FHOD3: variants seen among roughly 807,000 people sequenced by gnomAD.
The protein encoded by FHOD3 is FH1/FH2 domain-containing protein 3.
FHOD3 carries 90 observed loss-of-function variants against 173.0 expected under a neutral mutation model. The observed-to-expected ratio is 0.52, with a 90% confidence interval of 0.44 to 0.62. The LOEUF (loss-of-function observed/expected upper bound fraction) is 0.62, where lower values mean the gene tolerates loss of function less well. Ranked by LOEUF, FHOD3 falls within the 20% of genes least tolerant of loss-of-function variation. FHOD3 has a pLI of 0.00. For missense variants in FHOD3, 1,945 were observed against 2,034.7 expected (o/e 0.96, Z 0.85); for synonymous variants, 828 against 823.0 (o/e 1.01, Z -0.10).
chr18:36,476,357 C>T (rs759249569), intron 3 of FHOD3, among the ~76,000 whole-genome samples: 21 of 152,334 alleles, frequency 1.4e-4, no homozygotes, highest in African/African-American at 3.8e-4. Flanking sequence ...TCTCTTTATT[C>T]TACCAACTTA....
chr18:36,351,375 T>TC (rs1229336758), intron 1 of FHOD3, among the ~76,000 whole-genome samples: 2 of 152,302 alleles, frequency 1.3e-5, no homozygotes, highest in African/African-American at 4.8e-5. Context: ...ACTCGGGCAG[T>TC]TCCATGGAGG....
intron 1 of FHOD3, among the ~76,000 whole-genome samples, chr18:36,304,182 A>C (rs2092030437): frequency 6.6e-6 from 1 of 152,258 alleles, no homozygotes; most frequent in African/African-American, 2.4e-5. Flanking sequence ...TTAATATTAA[A>C]ATTATTAACT....
At chr18:36,409,277 C>T (rs1439307934) in intron 3 of FHOD3, among the ~76,000 whole-genome samples, 1 of 152,174 alleles carries the variant, frequency 6.6e-6, no homozygotes, top group Admixed American at 6.5e-5. Flanking sequence ...GGCGTGATAT[C>T]CATGTAGAGA....
At chr18:36,371,376 A>G (rs1388515654) in intron 2 of FHOD3, among the ~76,000 whole-genome samples, 1 of 152,232 alleles carries the variant, frequency 6.6e-6, no homozygotes, top group Non-Finnish European at 1.5e-5. Context: ...CCTCACAATT[A>G]TGGTGGAAGG....
At chr18:36,648,077 G>C (rs1190526160) in intron 10 of FHOD3, among the ~76,000 whole-genome samples, 1 of 152,228 alleles carries the variant, frequency 6.6e-6, no homozygotes, top group African/African-American at 2.4e-5. Flanking sequence ...AGTGAGACAT[G>C]GTGGATCCGT....
At chr18:36,671,308 C>T (rs2037519879) in intron 14 of FHOD3, among the ~76,000 whole-genome samples, 1 of 152,250 alleles carries the variant, frequency 6.6e-6, no homozygotes, top group South Asian at 2.1e-4. Flanking sequence ...CAAATGTTCT[C>T]CAATCAGTAA....
At chr18:36,406,685 A>G (rs1598994733) in intron 3 of FHOD3, among the ~76,000 whole-genome samples, 1 of 152,126 alleles carries the variant, frequency 6.6e-6, no homozygotes, top group Non-Finnish European at 1.5e-5. Flanking sequence ...TTGGAAGGTT[A>G]TTGCGGAATT....
At chr18:36,411,818 C>T (rs1435785026) in intron 3 of FHOD3, among the ~76,000 whole-genome samples, 2 of 152,228 alleles carry the variant, frequency 1.3e-5, no homozygotes, top group Non-Finnish European at 2.9e-5. Flanking sequence ...TTGGCACTCT[C>T]CTGCCTCTAG....
chr18:36,545,794 G>A (rs779023565), intron 5 of FHOD3, among the ~76,000 whole-genome samples: 9 of 152,184 alleles, frequency 5.9e-5, no homozygotes, highest in Non-Finnish European at 1.3e-4. Context: ...CTGTTGAATT[G>A]TTGCTTTTTG....
chr18:36,617,697 C>T (rs2033340530), intron 9 of FHOD3, among the ~76,000 whole-genome samples: 1 of 151,540 alleles, frequency 6.6e-6, no homozygotes, highest in South Asian at 2.1e-4. Flanking sequence ...CTTCTCTAAG[C>T]CCTGGAAATG....
chr18:36,526,163 G>C (rs1838953738), intron 5 of FHOD3, among the ~76,000 whole-genome samples: 1 of 152,244 alleles, frequency 6.6e-6, no homozygotes, highest in Non-Finnish European at 1.5e-5. Context: ...GCTCGGCCAA[G>C]GCCCCTCGTC....
intron 3 of FHOD3, among the ~76,000 whole-genome samples, chr18:36,491,101 A>C (rs775297557): frequency 1.3e-5 from 2 of 152,184 alleles, no homozygotes; most frequent in African/African-American, 2.4e-5. Flanking sequence ...GTGCATGGAC[A>C]GATAAGCGAT....
chr18:36,652,487 CCTGT>C (rs1227340945), intron 11 of FHOD3, 79 bp from the exon 12 acceptor site: 3 of 1,432,886 alleles, frequency 2.1e-6, no homozygotes, highest in African/African-American at 2.9e-5. Flanking sequence ...TGGCTTTTTG[CCTGT>C]CTCTCTTTTT....
At chr18:36,715,342 G>A (rs565814327) in intron 18 of FHOD3, among the ~76,000 whole-genome samples, 5 of 152,290 alleles carry the variant, frequency 3.3e-5, no homozygotes, top group East Asian at 1.9e-4. Context: ...CTGCCACCAC[G>A]TAAAGGAGGA....
intron 9 of FHOD3, among the ~76,000 whole-genome samples, chr18:36,615,635 A>G (rs1287699115): frequency 1.4e-4 from 21 of 152,190 alleles, no homozygotes; most frequent in Admixed American, 1.2e-3. Context: ...TGTGTATACC[A>G]TAATATATAT....
chr18:36,607,331 C>G (rs993611145), intron 8 of FHOD3, among the ~76,000 whole-genome samples: 1 of 152,154 alleles, frequency 6.6e-6, no homozygotes, highest in East Asian at 1.9e-4. Context: ...GCTGGGGTGG[C>G]CAAAAAATCC....
intron 1 of FHOD3, among the ~76,000 whole-genome samples, chr18:36,327,936 G>A (rs1224770379): frequency 6.6e-6 from 1 of 152,120 alleles, no homozygotes; most frequent in Non-Finnish European, 1.5e-5. Flanking sequence ...TATAGAATTA[G>A]GCTATGGGTC....
chr18:36,437,951 C>T (rs1002367746), intron 3 of FHOD3, among the ~76,000 whole-genome samples: 17 of 152,118 alleles, frequency 1.1e-4, no homozygotes, highest in African/African-American at 2.6e-4. Context: ...CATGAGCCAC[C>T]GCGCCTGGCC....
chr18:36,526,279 C>CT (rs34051278), intron 5 of FHOD3, among the ~76,000 whole-genome samples: 85,578 of 152,090 alleles, frequency 0.56, 24,186 homozygotes, highest in East Asian at 0.62. Flanking sequence ...TGAAATCATT[C>CT]TTTTTTTCCC....
Sources: allele counts gnomAD v4.1 joint callset (sites outside exome capture counted in the v4.1 genomes callset), GRCh38; gene constraint gnomAD v4.1.1; transcripts MANE v1.5; gene names NCBI Gene and HGNC (gene_info 2026-07-23, HGNC 2026-07-21).